The following SNCAIP variants were observed in gnomAD, a reference collection of about 807,000 sequenced individuals.
SNCAIP encodes synphilin-1.
Under a neutral mutation model 86.7 loss-of-function variants are expected in SNCAIP, and 43 were observed. That is an observed-to-expected ratio of 0.50 (90% CI 0.39 to 0.64). The LOEUF (loss-of-function observed/expected upper bound fraction) is 0.64, where lower values mean the gene tolerates loss of function less well. SNCAIP is among the 30% of genes least tolerant of loss of function. The probability of loss-of-function intolerance (pLI) is 0.00; values close to 1 mark genes in which losing one functional copy is unlikely to be tolerated. For missense variants in SNCAIP, 981 were observed against 1,103.1 expected, an observed-to-expected ratio of 0.89 and a Z score of 1.57; for synonymous variants, 417 against 427.2, an observed-to-expected ratio of 0.98 and a Z score of 0.29.
intron 1 of SNCAIP, among the ~76,000 whole-genome samples, chr5:122,317,228 T>C (rs1751940803): frequency 6.6e-6 from 1 of 152,188 alleles, no homozygotes; most frequent in Admixed American, 6.5e-5. Context: ...GAGACACAGT[T>C]GTCTTTCATC....
chr5:122,365,051 C>A (rs767377208), intron 1 of SNCAIP, among the ~76,000 whole-genome samples: 14 of 152,318 alleles, frequency 9.2e-5, no homozygotes, highest in Non-Finnish European at 1.9e-4. Flanking sequence ...AATCTGCCAT[C>A]TGTATTGGTG....
intron 8 of SNCAIP, among the ~76,000 whole-genome samples, chr5:122,449,135 A>C (rs901885997): frequency 4.6e-5 from 7 of 152,192 alleles, no homozygotes; most frequent in African/African-American, 1.7e-4. Context: ...TAACCTGTAG[A>C]ACATCGTATC....
chr5:122,381,967 C>A (rs1428637596), intron 1 of SNCAIP, among the ~76,000 whole-genome samples: 1 of 151,960 alleles, frequency 6.6e-6, no homozygotes, highest in African/African-American at 2.4e-5. Context: ...CCCTAGCTGC[C>A]CTTAACATTT....
At chr5:122,430,210 T>C (rs1273216939) in intron 5 of SNCAIP, among the ~76,000 whole-genome samples, 1 of 152,186 alleles carries the variant, frequency 6.6e-6, no homozygotes, top group Non-Finnish European at 1.5e-5. Context: ...CTAATCCTAT[T>C]CTACTAATTT....
At position 122,450,865 on chromosome 5, in the gene SNCAIP, G is replaced by T; in HGVS notation, c.2018G>T (p.Arg673Met). The T allele has an allele frequency of 6.2e-7, 1 of 1,614,038 alleles. No homozygotes were observed. The highest frequency in any genetic ancestry group is 8.5e-7 in the Non-Finnish European group (1 of 1,179,966). The change falls in exon 10 of 11, where the codon AGG becomes ATG. Residue 673 changes from arginine (R) to methionine (M), a missense_variant. Coordinates refer to ENST00000261368, the MANE Select transcript of SNCAIP (RefSeq NM_005460.4). ...KLARLRQLMQ[R>M]SLSESDTDSN... ...GCCAGGCTGAGACAGCTGATGCAGAGGTCACTGAGTGAGTCTGACACAGAC... is the reference window on the plus strand; with the variant it reads ...GCCAGGCTGAGACAGCTGATGCAGATGTCACTGAGTGAGTCTGACACAGAC...
chr5:122,389,924 A>G (rs753220990), intron 1 of SNCAIP: 1 of 152,100 alleles, frequency 6.6e-6, no homozygotes, highest in Non-Finnish European at 1.5e-5. Context: ...CCATTTGCAG[A>G]GCTTAAAAAA....
At chr5:122,433,575 C>G (rs777456553) in intron 6 of SNCAIP, among the ~76,000 whole-genome samples, 2 of 151,950 alleles carry the variant, frequency 1.3e-5, no homozygotes, top group Non-Finnish European at 2.9e-5. Flanking sequence ...TTTAACTGTA[C>G]CAAATTTATG....
At chr5:122,358,253 C>T (rs980521445) in intron 1 of SNCAIP, among the ~76,000 whole-genome samples, 3 of 147,992 alleles carry the variant, frequency 2.0e-5, no homozygotes, top group Admixed American at 1.4e-4. Flanking sequence ...ATGTGCACAA[C>T]GTGCAGGTTT....
chr5:122,396,198 CA>C (rs1770585461), intron 2 of SNCAIP, among the ~76,000 whole-genome samples: 2 of 152,176 alleles, frequency 1.3e-5, no homozygotes, highest in Non-Finnish European at 2.9e-5. Context: ...GTTCTAACAT[CA>C]TATGCCATAT....
chr5:122,345,844 G>T (rs536440630), intron 1 of SNCAIP, among the ~76,000 whole-genome samples: 1 of 151,918 alleles, frequency 6.6e-6, no homozygotes, highest in African/African-American at 2.4e-5. Flanking sequence ...TAAGAGATAG[G>T]GTCTCGCTTT....
At chr5:122,377,683 TC>T (rs1580809446) in intron 1 of SNCAIP, among the ~76,000 whole-genome samples, 1 of 90,038 alleles carries the variant, frequency 1.1e-5, no homozygotes, top group South Asian at 4.5e-4. Context: ...ATGCTATCCC[TC>T]CCCCCTCCCC....
At chr5:122,453,041 C>A in intron 10 of SNCAIP, 6 of 1,214,668 alleles carry the variant, frequency 4.9e-6, no homozygotes, top group Non-Finnish European at 5.9e-6. Flanking sequence ...ACATGCTTTG[C>A]TTTGAATTGC....
At chr5:122,441,377 T>C (rs769594064) in intron 7 of SNCAIP, 2 of 153,834 alleles carry the variant, frequency 1.3e-5, no homozygotes, top group Non-Finnish European at 2.9e-5. Flanking sequence ...CCCAACAGCC[T>C]CAAGTAGCCT....
At chr5:122,435,650 C>G (rs1292009454) in intron 6 of SNCAIP, among the ~76,000 whole-genome samples, 1 of 151,874 alleles carries the variant, frequency 6.6e-6, no homozygotes, top group African/African-American at 2.4e-5. Context: ...AAATATTTGC[C>G]CTAATACAGA....
chr5:122,442,855 A>T (rs1781364200), intron 7 of SNCAIP, among the ~76,000 whole-genome samples: 1 of 152,116 alleles, frequency 6.6e-6, no homozygotes, highest in South Asian at 2.1e-4. Flanking sequence ...GTACCATGGA[A>T]GTGGAAACTT....
intron 5 of SNCAIP, among the ~76,000 whole-genome samples, chr5:122,429,522 T>G (rs1311020331): frequency 6.6e-6 from 1 of 151,966 alleles, no homozygotes; most frequent in East Asian, 1.9e-4. Context: ...GCCTCACATT[T>G]CTGTGTTCTG....
intron 1 of SNCAIP, among the ~76,000 whole-genome samples, chr5:122,374,927 T>G (rs1764984320): frequency 6.6e-6 from 1 of 152,160 alleles, no homozygotes; most frequent in Admixed American, 6.6e-5. Context: ...TAGGTAGGTG[T>G]GCAGTGTTCA....
chr5:122,461,563 T>C (rs1283954658), intron 10 of SNCAIP, among the ~76,000 whole-genome samples: 1 of 152,142 alleles, frequency 6.6e-6, no homozygotes, highest in African/African-American at 2.4e-5. Context: ...ATATATCTAC[T>C]GAAACTTGCC....
At chr5:122,342,594 G>A (rs1312133296) in intron 1 of SNCAIP, among the ~76,000 whole-genome samples, 1 of 152,168 alleles carries the variant, frequency 6.6e-6, no homozygotes, top group African/African-American at 2.4e-5. Flanking sequence ...AACTTTTAAT[G>A]ACCATTATCC....
Sources: allele counts gnomAD v4.1 joint callset (sites outside exome capture counted in the v4.1 genomes callset), GRCh38; gene constraint gnomAD v4.1.1; transcripts MANE v1.5; gene names NCBI Gene and HGNC (gene_info 2026-07-23, HGNC 2026-07-21).